Variants in HDAC11 observed in about 807,000 individuals in gnomAD.
HDAC11 encodes histone deacetylase 11.
HDAC11 carries 23 observed loss-of-function variants against 41.1 expected under a neutral mutation model. The observed-to-expected ratio is 0.56, with a 90% confidence interval of 0.40 to 0.79. The LOEUF (loss-of-function observed/expected upper bound fraction) is 0.79, where lower values mean the gene tolerates loss of function less well. HDAC11 is among the 30% of genes least tolerant of loss of function. The pLI, the probability that HDAC11 is intolerant of heterozygous loss-of-function variation, is 0.00. For synonymous variants in HDAC11, 187 were observed against 186.6 expected, an observed-to-expected ratio of 1.00 and a Z score of -0.02; for missense variants, 402 against 477.3, an observed-to-expected ratio of 0.84 and a Z score of 1.47.
At position 13,502,596 on chromosome 3, in the gene HDAC11, C is replaced by T. The variant is rs1702423107; in HGVS notation, c.553-288C>T. ...ACAGTTTGCTTTTCACATCCCTGAT[C>T]CCAACCAGTCCCACCACAGACTTGA... is the stretch of plus-strand genomic sequence containing the variant. On this transcript the variant is annotated intron_variant, in intron 7 of 9. Coordinates refer to ENST00000295757, the MANE Select transcript of HDAC11 (RefSeq NM_024827.4). This position sits in a 1 kb window ranked among gnomAD's most constrained non-coding sequence, Gnocchi z 4.1. The T allele has an allele frequency of 2.8e-6, 1 of 357,294 alleles. No homozygotes were observed. The highest frequency in any genetic ancestry group is 2.1e-5 in the African/African-American group (1 of 48,160). 22.1% of individuals were successfully genotyped at this position (357,294 alleles called of 1,614,324 possible). A position where few individuals can be genotyped will look rare whatever the true frequency, so the allele number is the denominator to read the frequency against.
Position 13,488,850 on chromosome 3 carries a change from A to G in HDAC11, c.252+5286A>G, listed in dbSNP as rs1336930882. On this transcript the variant is annotated intron_variant, in intron 3 of 9. Coordinates refer to ENST00000295757, the MANE Select transcript of HDAC11 (RefSeq NM_024827.4). ...TCAAGGTGATCTCCACGGGGGCTGC[A>G]CCATTTCCACCAGTAATGTACCAGG... is the stretch of plus-strand genomic sequence containing the variant. Among the ~76,000 whole-genome samples the G allele has an allele frequency of 2.6e-5, 4 of 152,104 alleles. No individual in the cohort carries two copies. In the East Asian group the frequency reaches 7.7e-4, roughly 29 times the overall value.
intron 3 of HDAC11, among the ~76,000 whole-genome samples, chr3:13,495,142 C>T (rs546291183): frequency 3.3e-5 from 5 of 152,252 alleles, no homozygotes; most frequent in Middle Eastern, 3.4e-3. Flanking sequence ...TCCAGCCACC[C>T]TCTCTCCACC....
Position 13,504,774 on chromosome 3 carries a change from C to G in HDAC11, c.*91C>G. ...CTCATGGGGTGGTGGAGGCAGCCTTCAGTGAGCATGGAGGGGCAGGGCCAT... is the reference window on the plus strand; with the variant it reads ...CTCATGGGGTGGTGGAGGCAGCCTTGAGTGAGCATGGAGGGGCAGGGCCAT... On this transcript the variant is annotated 3_prime_UTR_variant, in exon 10 of 10. Transcript: ENST00000295757. 1 of 1,147,260 alleles carries G rather than the reference C, an allele frequency of 8.7e-7. No homozygotes were observed. Among genetic ancestry groups the G allele is most frequent in the African/African-American group, 1.5e-5 (1 of 65,742 alleles). The allele number at this position is 1,147,260 out of a possible 1,614,324, so 71.1% of individuals were successfully genotyped here. A position where few individuals can be genotyped will look rare whatever the true frequency, so the allele number is the denominator to read the frequency against.
chr3:13,483,413 C>T, intron 2 of HDAC11, 51 bp from the exon 3 acceptor site: 2 of 1,505,950 alleles, frequency 1.3e-6, no homozygotes, highest in Non-Finnish European at 1.8e-6. Context: ...CTGGGGCTGG[C>T]CCTGGCCTTG....
intron 2 of HDAC11, among the ~76,000 whole-genome samples, chr3:13,481,875 C>A (rs1298261559): frequency 6.6e-6 from 1 of 152,220 alleles, no homozygotes; most frequent in Non-Finnish European, 1.5e-5. Context: ...GGCTCAGGAG[C>A]TCACTGTAAC....
At chr3:13,481,120 T>C in intron 1 of HDAC11, 126 bp from the exon 2 acceptor site, 1 of 1,019,224 alleles carries the variant, frequency 9.8e-7, no homozygotes, top group East Asian at 2.6e-5. Flanking sequence ...TGAGGGGCCC[T>C]TGTCTGCGGC....
rs762673737 is a variant in HDAC11 at position 13,504,709 on chromosome 3, G to A, written c.*26G>A. ...CCCTTGCTGCCCTGCCTGTCACGTG[G>A]CCCTGCCTATCCGCCCCTTAGTGCT... On this transcript the variant is annotated 3_prime_UTR_variant, in exon 10 of 10. Coordinates refer to ENST00000295757, the MANE Select transcript of HDAC11 (RefSeq NM_024827.4). 9.4e-6 allele frequency: 15 copies of A among 1,592,878 alleles called. No homozygotes were observed. The highest frequency in any genetic ancestry group is 1.3e-5 in the Non-Finnish European group (15 of 1,161,704).
At chr3:13,481,428 T>G (rs751992578) in intron 2 of HDAC11, 34 bp downstream of exon 2, 1 of 1,610,224 alleles carries the variant, frequency 6.2e-7, no homozygotes, top group South Asian at 1.1e-5. Context: ...CTCATCTGCT[T>G]CCTCCAACCC....
Position 13,504,113 on chromosome 3 carries a change from G to A in HDAC11, c.669G>A (p.Val223=), listed in dbSNP as rs1702498342. The A allele has an allele frequency of 1.9e-6, 3 of 1,614,074 alleles. No homozygotes were observed. The highest frequency in any genetic ancestry group is 2.5e-6 in the Non-Finnish European group (3 of 1,180,030). The stretch of plus-strand genomic sequence containing the variant: ...TCCCAGAGGCCATCAGGCGGAAGGT[G>A]GAGCTGGAGTGGGGCACAGAGGATG... ...RFAKQAIRRK[V]ELEWGTEDDE... Residue 223 remains valine (V), a synonymous_variant, in exon 9 of 10, where the codon GTG becomes GTA. Transcript: ENST00000295757.
chr3:13,489,133 T>C (rs1398653470), intron 3 of HDAC11, among the ~76,000 whole-genome samples: 2 of 152,214 alleles, frequency 1.3e-5, no homozygotes, highest in Non-Finnish European at 2.9e-5. Context: ...TAGGGTTCTT[T>C]ATATATTCTG....
intron 3 of HDAC11, among the ~76,000 whole-genome samples, chr3:13,490,770 T>A (rs868260160): frequency 4.0e-5 from 4 of 99,670 alleles, no homozygotes; most frequent in African/African-American, 8.2e-5. Flanking sequence ...TTTTTTTTTT[T>A]AGACAGAGTC....
intron 6 of HDAC11, chr3:13,501,505 G>A (rs755994618): frequency 1.3e-4 from 57 of 422,572 alleles, no homozygotes; most frequent in Non-Finnish European, 2.3e-4. Flanking sequence ...GGATAAGGCA[G>A]AGGTTGGGGA....
At chr3:13,487,686 T>G (rs1701659894) in intron 3 of HDAC11, among the ~76,000 whole-genome samples, 1 of 152,108 alleles carries the variant, frequency 6.6e-6, no homozygotes, top group Non-Finnish European at 1.5e-5. Context: ...CTGTGCACTC[T>G]GCACTGGACA....
At position 13,502,919 on chromosome 3, in the gene HDAC11, G is replaced by A. The variant is rs937324962; in HGVS notation, c.588G>A (p.Lys196=). 1 of 1,613,612 alleles carries A rather than the reference G, an allele frequency of 6.2e-7. No individual in the cohort carries two copies. The highest frequency in any genetic ancestry group is 8.5e-7 in the Non-Finnish European group (1 of 1,179,948). The change falls in exon 8 of 10, where the codon AAG becomes AAA. Residue 196 remains lysine (K), a synonymous_variant. Coordinates refer to ENST00000295757, the MANE Select transcript of HDAC11 (RefSeq NM_024827.4). This position sits in a 1 kb window ranked among gnomAD's most constrained non-coding sequence, Gnocchi z 4.1. ...NGHERDFMDD[K]RVYIMDVYNR... is the part of the protein sequence containing the mutation. ...ATGAGCGAGACTTCATGGACGACAAGCGTGTGTACATCATGGATGTCTACA... is the reference window on the plus strand; with the variant it reads ...ATGAGCGAGACTTCATGGACGACAAACGTGTGTACATCATGGATGTCTACA...
chr3:13,499,284 C>A (rs914344800), intron 5 of HDAC11, among the ~76,000 whole-genome samples: 2 of 152,224 alleles, frequency 1.3e-5, no homozygotes, highest in Admixed American at 1.3e-4. Flanking sequence ...ATTCTCCTGC[C>A]TCAGCCTCCT....
chr3:13,487,936 G>A lies in HDAC11; in HGVS notation c.252+4372G>A, dbSNP rs1701671075. Among the ~76,000 whole-genome samples the A allele has an allele frequency of 3.3e-5, 5 of 152,106 alleles. No homozygotes were observed. In the South Asian group the frequency reaches 8.3e-4, roughly 25 times the overall value. The stretch of plus-strand genomic sequence containing the variant: ...GGGTGGGGAGAGCTGGTGAGAGGAT[G>A]GCAGTTTTAAATCAGGAGTCAGGAA... On this transcript the variant is annotated intron_variant, in intron 3 of 9. Transcript: ENST00000295757.
intron 3 of HDAC11, among the ~76,000 whole-genome samples, chr3:13,486,568 G>GGTGTTTTTTTTT (rs1701589476): frequency 7.8e-6 from 1 of 128,578 alleles, no homozygotes; most frequent in Admixed American, 8.7e-5. Flanking sequence ...CTCATGTAGA[G>GGTGTTTTTTTTT]GTGTTTTTTT....
At chr3:13,481,490 C>A in intron 2 of HDAC11, 96 bp downstream of exon 2, 1 of 1,449,752 alleles carries the variant, frequency 6.9e-7, no homozygotes, top group Non-Finnish European at 9.5e-7. Flanking sequence ...TCTCTCCCAT[C>A]TTCAGTTTCA....
At chr3:13,495,123 C>T (rs1702037159) in intron 3 of HDAC11, among the ~76,000 whole-genome samples, 1 of 152,154 alleles carries the variant, frequency 6.6e-6, no homozygotes, top group Non-Finnish European at 1.5e-5. Context: ...CCTCCCTCCA[C>T]CTGCTCCTTC....
Sources: gnomAD v4.1 joint callset for allele counts (sites outside exome capture counted in the v4.1 genomes callset) on GRCh38, gnomAD v4.1.1 for gene constraint, Gnocchi (gnomAD v3.1) non-coding constraint, MANE v1.5 for transcripts, NCBI Gene and HGNC (gene_info 2026-07-23, HGNC 2026-07-21) for gene names.